Variants in LRRC37A2 observed in about 807,000 individuals in gnomAD.
LRRC37A2 encodes leucine rich repeat containing 37 member A2.
Under a neutral mutation model 68.8 loss-of-function variants are expected in LRRC37A2, and 9 were observed. The observed-to-expected ratio is 0.13, with a 90% confidence interval of 0.08 to 0.23. The LOEUF is 0.23. Ranked by LOEUF, LRRC37A2 falls within the 10% of genes least tolerant of loss-of-function variation. The pLI is 1.00. For synonymous variants in LRRC37A2, 63 were observed against 367.6 expected, an observed-to-expected ratio of 0.17 and a Z score of 9.48; for missense variants, 168 against 950.4, an observed-to-expected ratio of 0.18 and a Z score of 10.82.
At chr17:46,914,398 C>T in the LRRC37A2 span, among the ~76,000 whole-genome samples, 66 of 151,950 alleles carry the variant, frequency 4.3e-4, no homozygotes, top group East Asian at 7.4e-3. Context: ...CCTGTAATCC[C>T]GGCACTTTGG....
At chr17:46,940,593 A>T in the LRRC37A2 span, 1 of 1,614,180 alleles carries the variant, frequency 6.2e-7, no homozygotes, top group Non-Finnish European at 8.5e-7. Context: ...CTTTGGAGGA[A>T]GGTCTGCAGG....
At chr17:47,035,675 C>G in the LRRC37A2 span, among the ~76,000 whole-genome samples, 1 of 152,204 alleles carries the variant, frequency 6.6e-6, no homozygotes, top group Admixed American at 6.5e-5. Context: ...TAGGGTGCAT[C>G]CCTAGCAGAA....
chr17:47,022,656 T>C, the LRRC37A2 span, among the ~76,000 whole-genome samples: 1 of 152,252 alleles, frequency 6.6e-6, no homozygotes, highest in Non-Finnish European at 1.5e-5. Context: ...GTTTTTAAAA[T>C]TTTTTCTTCA....
chr17:46,610,128 CCTTT>C, the LRRC37A2 span, among the ~76,000 whole-genome samples: 8 of 60,058 alleles, frequency 1.3e-4, no homozygotes, highest in African/African-American at 4.3e-4. Context: ...TCTCTCTCTT[CCTTT>C]CTTCCTTTCT....
At chr17:46,494,086 C>T in the LRRC37A2 span, among the ~76,000 whole-genome samples, 1 of 150,116 alleles carries the variant, frequency 6.7e-6, no homozygotes, top group Non-Finnish European at 1.5e-5. Context: ...CTCAAGCAAT[C>T]TGCCTACCTT....
chr17:46,891,532 A>C, the LRRC37A2 span, among the ~76,000 whole-genome samples: 8 of 152,194 alleles, frequency 5.3e-5, no homozygotes, highest in African/African-American at 1.9e-4. Flanking sequence ...GAGGCTTCCA[A>C]GGGGTACGCA....
In LRRC37A2 at chr17:46,529,624, C is replaced by G. The variant is rs887698688; in HGVS notation, c.2906+5740C>G. Among the ~76,000 whole-genome samples, 4 of 73,930 alleles carry G rather than the reference C, an allele frequency of 5.4e-5. 1 individual carries two copies. Among genetic ancestry groups the G allele is most frequent in the African/African-American group, 7.7e-5 (2 of 25,874 alleles). 48.5% of individuals were successfully genotyped at this position (73,930 alleles called of 152,430 possible). On this transcript the variant is annotated intron_variant, in intron 6 of 14. Coordinates refer to ENST00000576629, the Ensembl canonical transcript of LRRC37A2. ...TGGAGTTCAAGTTCAGCCTGGGCAA[C>G]AAAGTGAGACCCCAATCTCTACAAA...
chr17:46,996,091 C>A, the LRRC37A2 span, among the ~76,000 whole-genome samples: 3 of 152,176 alleles, frequency 2.0e-5, no homozygotes, highest in African/African-American at 7.2e-5. Flanking sequence ...GCCTCCCACT[C>A]CCTGCTTCCC....
the LRRC37A2 span, among the ~76,000 whole-genome samples, chr17:46,981,791 T>G: frequency 6.6e-6 from 1 of 152,194 alleles, no homozygotes; most frequent in Non-Finnish European, 1.5e-5. Flanking sequence ...ACTACAGCCC[T>G]GATCACCTGG....
chr17:47,027,825 G>T, the LRRC37A2 span, among the ~76,000 whole-genome samples: 4 of 152,204 alleles, frequency 2.6e-5, no homozygotes, highest in Non-Finnish European at 4.4e-5. Context: ...AGAGAGCAGT[G>T]GTTCTCAGCT....
chr17:47,044,224 T>C, the LRRC37A2 span, among the ~76,000 whole-genome samples: 3 of 150,730 alleles, frequency 2.0e-5, no homozygotes, highest in Non-Finnish European at 3.0e-5. Context: ...ACTTTTTTTT[T>C]CCTTGTAGTC....
chr17:46,837,230 C>T, the LRRC37A2 span, among the ~76,000 whole-genome samples: 3 of 152,148 alleles, frequency 2.0e-5, 1 homozygote, highest in South Asian at 6.2e-4. Flanking sequence ...CGTGAGCCAC[C>T]GTGCCTGGCT....
the LRRC37A2 span, among the ~76,000 whole-genome samples, chr17:46,828,045 C>T: frequency 6.6e-6 from 1 of 151,902 alleles, no homozygotes; most frequent in Non-Finnish European, 1.5e-5. Flanking sequence ...CCGCTGACCT[C>T]ATGATCCGCC....
In LRRC37A2 at chr17:46,543,469, A is replaced by G. The variant is rs558394845; in HGVS notation, c.3053+2588A>G. 4.0e-5 allele frequency among the ~76,000 whole-genome samples: 6 copies of G among 151,074 alleles called. No individual in the cohort carries two copies. In the East Asian group the frequency reaches 1.2e-3, roughly 29 times the overall value. On this transcript the variant is annotated intron_variant, in intron 8 of 14. Transcript: ENST00000576629. ...TGTGAATTTTTTAAGCCATGTTATG[A>G]TTGGGACAATTGTGAAAATGTGTAT...
the LRRC37A2 span, among the ~76,000 whole-genome samples, chr17:46,903,754 A>G: frequency 1.2e-5 from 1 of 81,738 alleles, no homozygotes; most frequent in Non-Finnish European, 2.3e-5. Context: ...TGGGTGGGTG[A>G]GTGGATGGAT....
the LRRC37A2 span, among the ~76,000 whole-genome samples, chr17:46,870,677 C>T: frequency 6.6e-6 from 1 of 152,204 alleles, no homozygotes; most frequent in Non-Finnish European, 1.5e-5. Context: ...GGTGAGGCTT[C>T]CAACTTCTGG....
the LRRC37A2 span, among the ~76,000 whole-genome samples, chr17:46,844,407 C>A: frequency 6.7e-6 from 1 of 149,290 alleles, no homozygotes; most frequent in African/African-American, 2.5e-5. Flanking sequence ...AAACATCTGG[C>A]TGGGCCACTG....
the LRRC37A2 span, among the ~76,000 whole-genome samples, chr17:46,855,031 G>T: frequency 1.1e-3 from 169 of 152,312 alleles, 1 homozygote; most frequent in Non-Finnish European, 3.7e-4. Context: ...TGTAGGATGG[G>T]TGTAAATAGT....
chr17:46,810,554 G>A, the LRRC37A2 span, among the ~76,000 whole-genome samples: 4 of 152,270 alleles, frequency 2.6e-5, no homozygotes, highest in East Asian at 7.7e-4. Context: ...GCAGGTGGTC[G>A]TGTTATTATC....
Sources: allele counts gnomAD v4.1 joint callset (sites outside exome capture counted in the v4.1 genomes callset), GRCh38; gene constraint gnomAD v4.1.1; transcripts MANE v1.5; gene names NCBI Gene and HGNC (gene_info 2026-07-23, HGNC 2026-07-21).